GASK1A: variants seen among roughly 807,000 people sequenced by gnomAD.
GASK1A encodes the protein Golgi-associated kinase 1A.
Under a neutral mutation model 41.2 loss-of-function variants are expected in GASK1A, and 40 were observed. That is an observed-to-expected ratio of 0.97 (90% CI 0.75 to 1.27). The LOEUF is 1.27. Among genes scored for constraint, GASK1A ranks in the 50% most tolerant of loss-of-function variants. The probability of loss-of-function intolerance (pLI) is 0.00; values close to 1 mark genes in which losing one functional copy is unlikely to be tolerated. For missense variants in GASK1A, 678 were observed against 745.1 expected, an observed-to-expected ratio of 0.91 and a Z score of 1.05; for synonymous variants, 316 against 307.1, an observed-to-expected ratio of 1.03 and a Z score of -0.30.
chr3:43,042,906 T>A (rs1006029110), intron 2 of GASK1A, among the ~76,000 whole-genome samples: 1 of 152,146 alleles, frequency 6.6e-6, no homozygotes, highest in Non-Finnish European at 1.5e-5. Context: ...ATGCCATGTA[T>A]GTGGAAAGGC....
chr3:42,991,957 T>G (rs1351440104), intron 1 of GASK1A, among the ~76,000 whole-genome samples: 1 of 152,180 alleles, frequency 6.6e-6, no homozygotes, highest in Non-Finnish European at 1.5e-5. Flanking sequence ...TGGACCTAGT[T>G]GGCTTTTACA....
chr3:43,044,022 C>CA (rs2089649910), intron 2 of GASK1A, among the ~76,000 whole-genome samples: 1 of 151,592 alleles, frequency 6.6e-6, no homozygotes, highest in Non-Finnish European at 1.5e-5. Flanking sequence ...GGGAAGCCAG[C>CA]ACTGCACGCA....
At chr3:43,046,392 AC>A (rs1367612410) in intron 2 of GASK1A, among the ~76,000 whole-genome samples, 1 of 152,218 alleles carries the variant, frequency 6.6e-6, no homozygotes, top group African/African-American at 2.4e-5. Flanking sequence ...GGAACTTTGA[AC>A]TTGAGAGAGA....
intron 1 of GASK1A, among the ~76,000 whole-genome samples, chr3:43,005,327 G>T (rs2089430718): frequency 6.6e-6 from 1 of 152,146 alleles, no homozygotes; most frequent in South Asian, 2.1e-4. Flanking sequence ...GTTACCCAAG[G>T]TTACCTGCAG....
At position 43,056,162 on chromosome 3, in the gene GASK1A, G is replaced by A. The variant is rs1299707372; in HGVS notation, c.1518-14G>A. ...TTTTCTTTCTGTTACGGGGCTCTGG[G>A]GCCTTTGCTCCAGGTTTCCTGAGTC... On this transcript the variant is annotated splice_polypyrimidine_tract_variant and intron_variant, in intron 4 of 4. Transcript: ENST00000430121. 1 of 1,542,692 alleles carries A rather than the reference G, an allele frequency of 6.5e-7. No individual in the cohort carries two copies. The highest frequency in any genetic ancestry group is 2.0e-5 in the Admixed American group (1 of 50,476).
At chr3:43,005,566 A>G (rs972372765) in intron 1 of GASK1A, among the ~76,000 whole-genome samples, 5 of 152,208 alleles carry the variant, frequency 3.3e-5, no homozygotes, top group Admixed American at 6.5e-5. Flanking sequence ...CCCATGTTCA[A>G]GTAAACCTTA....
intron 1 of GASK1A, among the ~76,000 whole-genome samples, chr3:43,012,603 G>A (rs1403325233): frequency 1.3e-5 from 2 of 150,274 alleles, no homozygotes; most frequent in South Asian, 2.1e-4. Flanking sequence ...GGAAGGAGCT[G>A]TGTGAAGTCA....
At chr3:43,024,353 CATTTGCTCTCGCA>C (rs1470131326) in intron 1 of GASK1A, among the ~76,000 whole-genome samples, 4 of 152,198 alleles carry the variant, frequency 2.6e-5, no homozygotes, top group Admixed American at 2.0e-4. Flanking sequence ...GCTTCAGCTG[CATTTGCTCTCGCA>C]ATTTGCCTGC....
At chr3:43,037,972 G>A (rs866407197) in intron 2 of GASK1A, among the ~76,000 whole-genome samples, 3 of 152,092 alleles carry the variant, frequency 2.0e-5, no homozygotes, top group South Asian at 4.1e-4. Flanking sequence ...CTGTTGATGT[G>A]GTTCTTTTGT....
At position 43,011,443 on chromosome 3, in the gene GASK1A, T is replaced by C. The variant is rs2089463182; in HGVS notation, c.4-20824T>C. Among the ~76,000 whole-genome samples the C allele has an allele frequency of 2.6e-5, 4 of 151,888 alleles. No homozygotes were observed. The South Asian group carries it at 8.3e-4, about 32-fold the overall frequency. On this transcript the variant is annotated intron_variant, in intron 1 of 4. Coordinates refer to ENST00000430121, the MANE Select transcript of GASK1A (RefSeq NM_001129908.3). ...GAGATTTTTATTGCAAATAGGAACC[T>C]TTTTCTGTATGTAAGAACCCACTGT...
intron 2 of GASK1A, among the ~76,000 whole-genome samples, chr3:43,046,454 A>G (rs891119839): frequency 6.6e-6 from 1 of 152,242 alleles, no homozygotes; most frequent in African/African-American, 2.4e-5. Flanking sequence ...AGCATTCAAG[A>G]TGTGACCTAG....
chr3:43,043,419 A>G (rs2089647686), intron 2 of GASK1A, among the ~76,000 whole-genome samples: 1 of 152,208 alleles, frequency 6.6e-6, no homozygotes, highest in Non-Finnish European at 1.5e-5. Context: ...CTGTTTGGGA[A>G]GTCACAGAGG....
In GASK1A at chr3:42,984,611, A is replaced by G. The variant is rs1028517138; in HGVS notation, c.3+4966A>G. On this transcript the variant is annotated intron_variant, in intron 1 of 4. Coordinates refer to ENST00000430121, the MANE Select transcript of GASK1A (RefSeq NM_001129908.3). The surrounding 1 kb of genome is among the most constrained non-coding windows in gnomAD (Gnocchi z 4.2). ...AGGAAACAGCAGGAGTATAACTGAA[A>G]TGCAGATTCAGTCACTCACCACTTG... 1.1e-4 allele frequency among the ~76,000 whole-genome samples: 17 copies of G among 152,340 alleles called. No homozygotes were observed. Among genetic ancestry groups the G allele is most frequent in the African/African-American group, 3.8e-4 (16 of 41,588 alleles).
At chr3:43,050,216 A>G (rs568116707) in intron 2 of GASK1A, among the ~76,000 whole-genome samples, 1 of 152,294 alleles carries the variant, frequency 6.6e-6, no homozygotes, top group East Asian at 1.9e-4. Flanking sequence ...CCTGCTGACA[A>G]TAAACTCTGT....
At position 43,056,164 on chromosome 3, in the gene GASK1A, C is replaced by A. The variant is rs1319130704; in HGVS notation, c.1518-12C>A. On this transcript the variant is annotated splice_polypyrimidine_tract_variant and intron_variant, in intron 4 of 4. Coordinates refer to ENST00000430121, the MANE Select transcript of GASK1A (RefSeq NM_001129908.3). ...TTCTTTCTGTTACGGGGCTCTGGGGCCTTTGCTCCAGGTTTCCTGAGTCTG... is the reference window on the plus strand; with the variant it reads ...TTCTTTCTGTTACGGGGCTCTGGGGACTTTGCTCCAGGTTTCCTGAGTCTG... 22 of 1,544,484 alleles carry A rather than the reference C, an allele frequency of 1.4e-5. 1 individual carries two copies. Among genetic ancestry groups the A allele is most frequent in the Non-Finnish European group, 1.8e-5 (21 of 1,141,730 alleles).
chr3:43,052,405 G>C (rs1355608638), intron 2 of GASK1A, among the ~76,000 whole-genome samples: 1 of 152,134 alleles, frequency 6.6e-6, no homozygotes, highest in African/African-American at 2.4e-5. Context: ...TCCACAGCAA[G>C]AAACTAACTT....
At chr3:42,998,682 G>A (rs960015880) in intron 1 of GASK1A, among the ~76,000 whole-genome samples, 8 of 152,092 alleles carry the variant, frequency 5.3e-5, no homozygotes, top group East Asian at 1.9e-4. Context: ...TATGACAGAC[G>A]GCCCTGTGTG....
intron 1 of GASK1A, among the ~76,000 whole-genome samples, chr3:43,009,746 C>T (rs775981703): frequency 6.6e-6 from 1 of 152,186 alleles, no homozygotes; most frequent in Non-Finnish European, 1.5e-5. Context: ...GTGGAGACCT[C>T]AGGTGGTGGC....
chr3:42,985,794 C>G (rs988935876), intron 1 of GASK1A, among the ~76,000 whole-genome samples: 3 of 152,096 alleles, frequency 2.0e-5, no homozygotes, highest in Non-Finnish European at 4.4e-5. Flanking sequence ...AAAGGAGAAG[C>G]CACTGTACAT....
Sources: gnomAD v4.1 joint callset for allele counts (sites outside exome capture counted in the v4.1 genomes callset) on GRCh38, gnomAD v4.1.1 for gene constraint, Gnocchi (gnomAD v3.1) non-coding constraint, MANE v1.5 for transcripts, NCBI Gene and HGNC (gene_info 2026-07-23, HGNC 2026-07-21) for gene names.